PUM1: variants seen among roughly 807,000 people sequenced by gnomAD.
The protein encoded by PUM1 is pumilio homolog 1.
A neutral mutation model predicts 131.8 loss-of-function variants in PUM1; 13 were observed. The observed-to-expected ratio is 0.10, with a 90% CI of 0.06 to 0.16. PUM1 has a LOEUF of 0.16. Among genes scored for constraint, PUM1 ranks in the 10% least tolerant of loss-of-function variants. The pLI is 1.00. For missense variants in PUM1, 961 were observed against 1,512.4 expected, an observed-to-expected ratio of 0.64 and a Z score of 6.05; for synonymous variants, 509 against 556.5, an observed-to-expected ratio of 0.91 and a Z score of 1.20.
intron 9 of PUM1, among the ~76,000 whole-genome samples, chr1:30,975,930 T>C (rs545285951): frequency 3.5e-4 from 53 of 151,472 alleles, no homozygotes; most frequent in Middle Eastern, 3.4e-3. Flanking sequence ...TAAAAAAATA[T>C]ATAAAAAATT....
intron 7 of PUM1, 71 bp downstream of exon 7, chr1:30,992,319 C>A: frequency 3.2e-6 from 5 of 1,555,406 alleles, no homozygotes; most frequent in Non-Finnish European, 4.4e-6. Context: ...CCCATCCCCC[C>A]ATTCTTAATT....
chr1:31,038,984 A>ATATATTTT, intron 2 of PUM1, among the ~76,000 whole-genome samples: 4 of 49,408 alleles, frequency 8.1e-5, no homozygotes, highest in Admixed American at 2.2e-4. Flanking sequence ...ATATATATAT[A>ATATATTTT]TTTTTTTTTT....
chr1:30,991,814 T>C (rs565118295), intron 7 of PUM1, among the ~76,000 whole-genome samples: 2 of 152,344 alleles, frequency 1.3e-5, no homozygotes, highest in South Asian at 2.1e-4. Context: ...CAGGGACTTA[T>C]GAATTTAAAA....
Position 31,059,402 on chromosome 1 carries a change from A to G in PUM1, c.165T>C (p.Ala55=), listed in dbSNP as rs756049007. The part of the protein sequence containing the change: ...QAQPQPAANQ[A]LAAGTHSSPV... ...GGCTGGAGTGAGTCCCAGCTGCAAG[A>G]GCCTGATTTGCAGCTGGTTGTGGCT... Residue 55 remains alanine (A), a synonymous_variant, in exon 2 of 22, where the codon GCT becomes GCC. Coordinates refer to ENST00000426105, the MANE Select transcript of PUM1 (RefSeq NM_001020658.2). The G allele has an allele frequency of 6.2e-7, 1 of 1,614,132 alleles. No individual in the cohort carries two copies.
rs1354793948 is a variant in PUM1 at position 30,952,314 on chromosome 1, C to CT, written c.2640_2641insA (p.Val881SerfsTer4). ...GCAGCCTGGAGGATTTCATTGAAGA[C>CT]AAGCTGGCGCTCAGCTGGTGTGGCA... On this transcript the variant is annotated frameshift_variant, in exon 16 of 22. Transcript: ENST00000426105. LOFTEE classifies it high-confidence loss of function. 6.2e-7 allele frequency: 1 copy of CT among 1,613,786 alleles called. No individual in the cohort carries two copies. Among genetic ancestry groups the CT allele is most frequent in the Non-Finnish European group, 8.5e-7 (1 of 1,179,662 alleles).
At chr1:31,045,162 G>A (rs909040785) in intron 2 of PUM1, among the ~76,000 whole-genome samples, 5 of 146,856 alleles carry the variant, frequency 3.4e-5, no homozygotes, top group African/African-American at 1.3e-4. Flanking sequence ...TTTTTGAGAC[G>A]AAGTCATCAC....
chr1:30,987,442 G>A (rs962316267), intron 7 of PUM1, among the ~76,000 whole-genome samples: 27 of 152,030 alleles, frequency 1.8e-4, no homozygotes, highest in African/African-American at 2.4e-5. Flanking sequence ...TGATCTGCCC[G>A]CCTCGGCCTC....
At chr1:31,045,192 T>C (rs560590853) in intron 2 of PUM1, among the ~76,000 whole-genome samples, 1 of 151,616 alleles carries the variant, frequency 6.6e-6, no homozygotes, top group Non-Finnish European at 1.5e-5. Flanking sequence ...AGTGCAGTGG[T>C]GCGATCTCAG....
At chr1:30,981,029 A>G (rs776101647) in intron 8 of PUM1, among the ~76,000 whole-genome samples, 5 of 152,254 alleles carry the variant, frequency 3.3e-5, no homozygotes, top group African/African-American at 2.4e-5. Context: ...GAAAGAGCTA[A>G]TGGTAGTCAC....
chr1:31,048,426 C>T (rs1644022416), intron 2 of PUM1, among the ~76,000 whole-genome samples: 1 of 151,432 alleles, frequency 6.6e-6, no homozygotes, highest in African/African-American at 2.4e-5. Context: ...TCTTTAGCCA[C>T]CAGGACCATC....
intron 2 of PUM1, among the ~76,000 whole-genome samples, chr1:31,053,070 T>C (rs1644151141): frequency 6.7e-6 from 1 of 150,336 alleles, no homozygotes; most frequent in South Asian, 2.1e-4. Flanking sequence ...TGGAATGCAG[T>C]GGCGGGATCT....
chr1:31,042,927 C>G (rs1334903031), intron 2 of PUM1, among the ~76,000 whole-genome samples: 1 of 152,098 alleles, frequency 6.6e-6, no homozygotes, highest in Admixed American at 6.6e-5. Flanking sequence ...CAGGGTTTCT[C>G]CATGTTGGCT....
chr1:30,993,521 C>T (rs1641874637), intron 6 of PUM1, among the ~76,000 whole-genome samples: 1 of 151,828 alleles, frequency 6.6e-6, no homozygotes, highest in South Asian at 2.1e-4. Context: ...CATTCAATGC[C>T]CTTCTTCTCC....
intron 5 of PUM1, among the ~76,000 whole-genome samples, chr1:31,003,525 G>A (rs1642290667): frequency 6.6e-6 from 1 of 152,152 alleles, no homozygotes; most frequent in Non-Finnish European, 1.5e-5. Context: ...GGGAGGCTGA[G>A]GTGGGAAGAT....
intron 14 of PUM1, among the ~76,000 whole-genome samples, chr1:30,956,273 GT>G (rs923723704): frequency 6.6e-6 from 1 of 151,026 alleles, no homozygotes; most frequent in Admixed American, 6.6e-5. Context: ...TTTGTTTTTT[GT>G]TTTTTTTGAG....
intron 18 of PUM1, among the ~76,000 whole-genome samples, chr1:30,942,631 C>T (rs1225672369): frequency 6.6e-6 from 1 of 152,170 alleles, no homozygotes; most frequent in African/African-American, 2.4e-5. Flanking sequence ...GAAAAGCACA[C>T]TACCCTTGAG....
rs557641625 is a variant in PUM1, at chr1:30,959,118, G to C, written c.2324-5137C>G. On this transcript the variant is annotated intron_variant, in intron 14 of 21. Transcript: ENST00000426105. ...ACCTATAAGACCTATAAGATGTAAA[G>C]AAATGGGTTAAGTAAAAATCTTACT... Among the ~76,000 whole-genome samples the C allele has an allele frequency of 2.0e-5, 3 of 152,326 alleles. No individual in the cohort carries two copies. In the East Asian group the frequency reaches 5.8e-4, roughly 29 times the overall value.
intron 3 of PUM1, among the ~76,000 whole-genome samples, chr1:31,010,460 T>G (rs1207936099): frequency 2.0e-5 from 3 of 152,224 alleles, no homozygotes; most frequent in Non-Finnish European, 4.4e-5. Flanking sequence ...TCTATTGTCC[T>G]GATTGCTTAC....
In PUM1 at chr1:30,981,386, G is replaced by A. The variant is rs1224551385; in HGVS notation, c.1178C>T (p.Ala393Val). The change falls in exon 8 of 22, where the codon GCG becomes GTG. Residue 393 changes from alanine to valine, a missense_variant. Physicochemically the swap from Ala to Val is moderately conservative, Grantham distance 64. This residue lies in a region of PUM1 where 654 missense variants were observed against 923.9 expected (regional missense o/e 0.71). Transcript: ENST00000426105. ...AGCTGTCAACTGCTGGACAGCAAGC[G>A]CATTAGGTCTTTGGAACAGCTGAGG... ...SQQQLFQRPN[A>V]LAVQQLTAAQ... is the part of the protein sequence containing the mutation. 7.5e-6 allele frequency: 12 copies of A among 1,601,930 alleles called. No individual in the cohort carries two copies. Among genetic ancestry groups the A allele is most frequent in the South Asian group, 3.4e-5 (3 of 88,710 alleles).
Sources: allele counts gnomAD v4.1 joint callset (sites outside exome capture counted in the v4.1 genomes callset), GRCh38; gene constraint gnomAD v4.1.1; regional missense constraint gnomAD v4.1.1; transcripts MANE v1.5; gene names NCBI Gene and HGNC (gene_info 2026-07-23, HGNC 2026-07-21).